CDH18: variants seen among roughly 807,000 people sequenced by gnomAD.
CDH18 encodes cadherin-18.
Under a neutral mutation model 67.9 loss-of-function variants are expected in CDH18, and 31 were observed. The observed-to-expected ratio is 0.46, with a 90% CI of 0.34 to 0.62. The LOEUF (loss-of-function observed/expected upper bound fraction) is 0.62. Ranked by LOEUF, CDH18 falls within the 20% of genes least tolerant of loss-of-function variation. The probability of loss-of-function intolerance (pLI) is 0.01; values close to 1 mark genes in which losing one functional copy is unlikely to be tolerated. For missense variants in CDH18, 890 were observed against 975.5 expected (o/e 0.91, Z 1.17); for synonymous variants, 362 against 347.2 (o/e 1.04, Z -0.48).
At position 20,399,287 on chromosome 5, in the gene CDH18, T is replaced by C. The variant is rs915158398; in HGVS notation, c.-579-143782A>G. Among the ~76,000 whole-genome samples the C allele has an allele frequency of 9.9e-5, 15 of 152,162 alleles. No individual in the cohort carries two copies. In the East Asian group the frequency reaches 1.6e-3, roughly 16 times the overall value. ...TATAAATTATTATCAAAAGAGACAA[T>C]AGTGATGATAAAATATGAAATTAAT... On this transcript the variant is annotated intron_variant, in intron 1 of 14. Coordinates refer to the CDH18 transcript ENST00000507958.
At chr5:19,737,833 C>T (rs1008443004) in intron 4 of CDH18, among the ~76,000 whole-genome samples, 7 of 152,008 alleles carry the variant, frequency 4.6e-5, no homozygotes, top group African/African-American at 7.2e-5. Context: ...ACAACAACAT[C>T]GACTGATTAA....
At chr5:20,364,907 G>A (rs1453712756) in intron 1 of CDH18, among the ~76,000 whole-genome samples, 3 of 152,156 alleles carry the variant, frequency 2.0e-5, no homozygotes, top group African/African-American at 7.2e-5. Context: ...GTTACTTAAT[G>A]ACTCAAGAGT....
At chr5:19,475,555 T>C (rs554654775) in intron 12 of CDH18, among the ~76,000 whole-genome samples, 2,514 of 148,364 alleles carry the variant, frequency 0.017, 65 homozygotes, top group African/African-American at 0.059. Flanking sequence ...CACACACACA[T>C]ACACACACAC....
At chr5:20,388,251 T>C (rs1309630991) in intron 1 of CDH18, among the ~76,000 whole-genome samples, 1 of 152,192 alleles carries the variant, frequency 6.6e-6, no homozygotes, top group East Asian at 1.9e-4. Flanking sequence ...CAGAACCTGT[T>C]ATTGGTCTAT....
intron 5 of CDH18, among the ~76,000 whole-genome samples, chr5:19,698,295 T>A (rs146946793): frequency 9.2e-5 from 14 of 152,304 alleles, no homozygotes; most frequent in African/African-American, 3.4e-4. Flanking sequence ...TATCATTTTA[T>A]GAGCTTGCAC....
chr5:20,111,308 AAGGCTCAGTAGGGAGACACATCCAATG>A (rs1400312155), intron 2 of CDH18, among the ~76,000 whole-genome samples: 4 of 152,114 alleles, frequency 2.6e-5, no homozygotes, highest in African/African-American at 9.7e-5. Context: ...TGTATGAAGA[AAGGCTCAGTAGGGAGACACATCCAATG>A]ATTTGCTGTT....
At chr5:20,163,567 C>T (rs948070502) in intron 2 of CDH18, among the ~76,000 whole-genome samples, 4 of 152,160 alleles carry the variant, frequency 2.6e-5, no homozygotes, top group Admixed American at 6.5e-5. Context: ...TGAAGATCAC[C>T]ATGGACTTAA....
chr5:20,547,516 G>A (rs951849792), intron 1 of CDH18, among the ~76,000 whole-genome samples: 2 of 150,564 alleles, frequency 1.3e-5, no homozygotes, highest in Non-Finnish European at 2.9e-5. Flanking sequence ...AGTCGAGATC[G>A]CACCATTGCA....
chr5:19,962,194 A>C (rs1459703041), intron 2 of CDH18, among the ~76,000 whole-genome samples: 1 of 151,798 alleles, frequency 6.6e-6, no homozygotes, highest in Non-Finnish European at 1.5e-5. Context: ...TATGTAAATT[A>C]TTTATGGAAT....
intron 1 of CDH18, among the ~76,000 whole-genome samples, chr5:20,326,378 A>G (rs1738578712): frequency 6.6e-6 from 1 of 152,094 alleles, no homozygotes; most frequent in Non-Finnish European, 1.5e-5. Flanking sequence ...GTCTTTACAT[A>G]TACTCTTGAA....
intron 1 of CDH18, among the ~76,000 whole-genome samples, chr5:20,552,666 T>C (rs562923382): frequency 6.6e-6 from 1 of 152,298 alleles, no homozygotes; most frequent in East Asian, 1.9e-4. Flanking sequence ...TGTCTTTCAG[T>C]AAGATAACTA....
At chr5:19,656,905 G>A (rs538861180) in intron 5 of CDH18, among the ~76,000 whole-genome samples, 14 of 151,382 alleles carry the variant, frequency 9.2e-5, no homozygotes, top group Admixed American at 5.3e-4. Flanking sequence ...TGTGTGTGTC[G>A]GTGGGAGAAA....
chr5:19,635,023 C>T (rs903982236), intron 5 of CDH18, among the ~76,000 whole-genome samples: 5 of 151,870 alleles, frequency 3.3e-5, no homozygotes, highest in Non-Finnish European at 7.4e-5. Context: ...ACCAAATTTC[C>T]TAACATAACC....
intron 1 of CDH18, among the ~76,000 whole-genome samples, chr5:20,563,761 G>C (rs562557506): frequency 6.6e-6 from 1 of 152,074 alleles, no homozygotes; most frequent in Non-Finnish European, 1.5e-5. Flanking sequence ...ATATGTTAGA[G>C]AGCTCTATTG....
chr5:20,246,399 T>C lies in CDH18; in HGVS notation c.-518+9045A>G, dbSNP rs1165902776. On this transcript the variant is annotated intron_variant, in intron 2 of 14. Coordinates refer to the CDH18 transcript ENST00000507958. ...TCAGTATGATTTGTGTCTATCCCTTTGTTGTTGTTTTTATTTATTCGAAAC... is the reference window on the plus strand; with the variant it reads ...TCAGTATGATTTGTGTCTATCCCTTCGTTGTTGTTTTTATTTATTCGAAAC... Among the ~76,000 whole-genome samples, 8 of 152,198 alleles carry C rather than the reference T, an allele frequency of 5.3e-5. No individual in the cohort carries two copies. In the South Asian group the frequency reaches 1.7e-3, roughly 31 times the overall value.
intron 2 of CDH18, among the ~76,000 whole-genome samples, chr5:20,213,942 C>T (rs1246788174): frequency 6.6e-6 from 1 of 151,956 alleles, no homozygotes; most frequent in Non-Finnish European, 1.5e-5. Context: ...TCCTTGTTTG[C>T]AGATGACATG....
chr5:20,566,216 T>C (rs1419657714), intron 1 of CDH18, among the ~76,000 whole-genome samples: 1 of 152,082 alleles, frequency 6.6e-6, no homozygotes, highest in Non-Finnish European at 1.5e-5. Context: ...AATAGAAGGC[T>C]AGGCTACATA....
chr5:20,267,139 A>G (rs1367651877), intron 1 of CDH18, among the ~76,000 whole-genome samples: 1 of 152,234 alleles, frequency 6.6e-6, no homozygotes. Flanking sequence ...AGTGTGAAAT[A>G]GGGGTTCAGT....
At chr5:19,675,100 C>A (rs557000818) in intron 5 of CDH18, among the ~76,000 whole-genome samples, 2 of 152,064 alleles carry the variant, frequency 1.3e-5, no homozygotes, top group East Asian at 3.9e-4. Context: ...GTAAAACCAG[C>A]AAGTTTTTAT....
Sources: allele counts gnomAD v4.1 joint callset (sites outside exome capture counted in the v4.1 genomes callset), GRCh38; gene constraint gnomAD v4.1.1; transcripts MANE v1.5; gene names NCBI Gene and HGNC (gene_info 2026-07-23, HGNC 2026-07-21).